The following CORIN variants were observed in gnomAD, a reference collection of about 807,000 sequenced individuals.
CORIN encodes atrial natriuretic peptide-converting enzyme.
In CORIN, 117 loss-of-function variants were observed where a neutral mutation model predicts 125.3. That is an observed-to-expected ratio of 0.93 (90% confidence interval 0.80 to 1.09). The LOEUF (loss-of-function observed/expected upper bound fraction) is 1.09. Among genes scored for constraint, CORIN ranks in the 50% least tolerant of loss-of-function variants. The probability of loss-of-function intolerance (pLI) is 0.00; values close to 1 mark genes in which losing one functional copy is unlikely to be tolerated. For synonymous variants in CORIN, 450 were observed against 466.4 expected, an observed-to-expected ratio of 0.96 and a Z score of 0.45; for missense variants, 1,253 against 1,306.7, an observed-to-expected ratio of 0.96 and a Z score of 0.63.
chr4:47,731,489 A>T (rs1012975051), intron 5 of CORIN, among the ~76,000 whole-genome samples: 17 of 152,326 alleles, frequency 1.1e-4, no homozygotes, highest in African/African-American at 3.8e-4. Context: ...GAAAACACAA[A>T]GGAGACTAGA....
At chr4:47,801,590 A>G (rs2109942613) in intron 2 of CORIN, among the ~76,000 whole-genome samples, 1 of 152,374 alleles carries the variant, frequency 6.6e-6, no homozygotes, top group East Asian at 1.9e-4. Flanking sequence ...CCCCAGCAGT[A>G]GCCATGCAGC....
chr4:47,735,075 A>C (rs1205811081), intron 5 of CORIN, among the ~76,000 whole-genome samples: 1 of 152,270 alleles, frequency 6.6e-6, no homozygotes, highest in Non-Finnish European at 1.5e-5. Context: ...AGTTGTATTT[A>C]TAAAGTGGCT....
At chr4:47,761,137 G>A (rs1257756379) in intron 4 of CORIN, among the ~76,000 whole-genome samples, 2 of 152,242 alleles carry the variant, frequency 1.3e-5, no homozygotes, top group Non-Finnish European at 2.9e-5. Flanking sequence ...GTTCACGGAT[G>A]TAGCACTGTT....
At chr4:47,669,520 G>T (rs1724642339) in intron 10 of CORIN, among the ~76,000 whole-genome samples, 1 of 149,692 alleles carries the variant, frequency 6.7e-6, no homozygotes, top group South Asian at 2.1e-4. Flanking sequence ...CATATATCTT[G>T]TCTTATCTCA....
intron 19 of CORIN, among the ~76,000 whole-genome samples, chr4:47,605,300 C>T (rs962295910): frequency 1.7e-4 from 26 of 152,130 alleles, no homozygotes; most frequent in Non-Finnish European, 3.1e-4. Context: ...AGGGATTTGG[C>T]TGGTCTTTTT....
At chr4:47,597,884 G>GT (rs1449582616) in intron 21 of CORIN, among the ~76,000 whole-genome samples, 1 of 152,154 alleles carries the variant, frequency 6.6e-6, no homozygotes, top group African/African-American at 2.4e-5. Context: ...GTCAGCTTGG[G>GT]TAACAAGGAT....
chr4:47,784,084 A>G (rs1730673848), intron 3 of CORIN, among the ~76,000 whole-genome samples: 1 of 152,160 alleles, frequency 6.6e-6, no homozygotes, highest in African/African-American at 2.4e-5. Flanking sequence ...CTAAGCCTCA[A>G]ATTCACACCG....
At chr4:47,648,995 C>T (rs1276266763) in intron 13 of CORIN, among the ~76,000 whole-genome samples, 1 of 152,190 alleles carries the variant, frequency 6.6e-6, no homozygotes, top group East Asian at 1.9e-4. Flanking sequence ...TGCCTCTGCA[C>T]CTGCTATAGC....
At chr4:47,706,698 A>G (rs1726580311) in intron 5 of CORIN, 1 of 1,607,942 alleles carries the variant, frequency 6.2e-7, no homozygotes, top group Non-Finnish European at 8.5e-7. Context: ...GCTGGACGCC[A>G]CTGTGGGGCT....
At chr4:47,764,744 C>T (rs1254517950) in intron 3 of CORIN, among the ~76,000 whole-genome samples, 1 of 152,124 alleles carries the variant, frequency 6.6e-6, no homozygotes, top group Non-Finnish European at 1.5e-5. Flanking sequence ...TGAGATAATT[C>T]TTAATGGCTC....
intron 1 of CORIN, among the ~76,000 whole-genome samples, chr4:47,810,063 G>C (rs140677241): frequency 8.8e-4 from 134 of 152,338 alleles, no homozygotes; most frequent in African/African-American, 3.0e-3. Context: ...CATGGCAAGG[G>C]TAGGGAACGA....
At chr4:47,610,189 C>T (rs1199003619) in intron 19 of CORIN, among the ~76,000 whole-genome samples, 1 of 152,204 alleles carries the variant, frequency 6.6e-6, no homozygotes, top group Admixed American at 6.5e-5. Context: ...CACTATCTTC[C>T]ACAATGGTTG....
In CORIN at chr4:47,757,900, A is replaced by ATG. The variant is rs1229662238; in HGVS notation, c.617+5478_617+5479insCA. Among the ~76,000 whole-genome samples, 394 of 144,202 alleles carry ATG rather than the reference A, an allele frequency of 2.7e-3. 21 individuals are homozygous for ATG. The highest frequency in any genetic ancestry group is 7.2e-3 in the East Asian group (36 of 5,006). The allele number at this position is 144,202 out of a possible 152,430, so 94.6% of individuals were successfully genotyped here. A position where few individuals can be genotyped will look rare whatever the true frequency, so the allele number is the denominator to read the frequency against. ...TATGTATATATATATATATATATAT[A>ATG]TATATACACAAATATACACATATAT... On this transcript the variant is annotated intron_variant, in intron 4 of 21. Transcript: ENST00000273857.
At chr4:47,700,452 C>G (rs750594579) in intron 5 of CORIN, among the ~76,000 whole-genome samples, 5 of 152,136 alleles carry the variant, frequency 3.3e-5, no homozygotes, top group Non-Finnish European at 7.4e-5. Flanking sequence ...CATACTTCCC[C>G]ACTCAAAAAG....
chr4:47,755,926 T>C (rs1168135463), intron 4 of CORIN, among the ~76,000 whole-genome samples: 7 of 152,228 alleles, frequency 4.6e-5, no homozygotes, highest in Non-Finnish European at 1.0e-4. Flanking sequence ...ATTGAAGAGT[T>C]CATTTATTCC....
chr4:47,744,245 G>A (rs931646118), intron 5 of CORIN, among the ~76,000 whole-genome samples, 157 bp downstream of exon 5: 12 of 150,768 alleles, frequency 8.0e-5, no homozygotes, highest in Non-Finnish European at 1.8e-4. Flanking sequence ...TGGGGATGTT[G>A]TTAATATTCT....
chr4:47,684,242 C>T (rs1451070083), intron 6 of CORIN, among the ~76,000 whole-genome samples: 1 of 152,110 alleles, frequency 6.6e-6, no homozygotes, highest in Non-Finnish European at 1.5e-5. Context: ...ATAAACATAA[C>T]AAATAAAATA....
chr4:47,690,144 G>A (rs1029619135), intron 6 of CORIN, among the ~76,000 whole-genome samples: 8 of 152,136 alleles, frequency 5.3e-5, no homozygotes, highest in Admixed American at 1.3e-4. Flanking sequence ...TCTGAAAGCC[G>A]TAATACATCA....
intron 11 of CORIN, among the ~76,000 whole-genome samples, chr4:47,663,439 T>C (rs931230461): frequency 2.6e-5 from 4 of 152,040 alleles, no homozygotes; most frequent in Non-Finnish European, 4.4e-5. Context: ...AATATCAAAA[T>C]ATAAAATTCG....
Sources: gnomAD v4.1 joint callset for allele counts (sites outside exome capture counted in the v4.1 genomes callset) on GRCh38, gnomAD v4.1.1 for gene constraint, MANE v1.5 for transcripts, NCBI Gene and HGNC (gene_info 2026-07-23, HGNC 2026-07-21) for gene names.